The following PRKCE variants were observed in gnomAD, a reference collection of about 807,000 sequenced individuals.
PRKCE encodes the protein protein kinase C epsilon.
Under a neutral mutation model 85.4 loss-of-function variants are expected in PRKCE, and 16 were observed. The observed-to-expected ratio is 0.19, with a 90% CI of 0.13 to 0.28. The LOEUF (loss-of-function observed/expected upper bound fraction) is 0.28. Ranked by LOEUF, PRKCE falls within the 10% of genes least tolerant of loss-of-function variation. The probability of loss-of-function intolerance (pLI) is 1.00; values close to 1 mark genes in which losing one functional copy is unlikely to be tolerated. For synonymous variants in PRKCE, 388 were observed against 371.5 expected, an observed-to-expected ratio of 1.04 and a Z score of -0.51; for missense variants, 573 against 975.2, an observed-to-expected ratio of 0.59 and a Z score of 5.49.
At chr2:45,915,767 G>A (rs1697724880) in intron 2 of PRKCE, among the ~76,000 whole-genome samples, 1 of 152,136 alleles carries the variant, frequency 6.6e-6, no homozygotes, top group Non-Finnish European at 1.5e-5. Context: ...GTACAGACAT[G>A]ACCTGACTAG....
intron 10 of PRKCE, among the ~76,000 whole-genome samples, chr2:46,036,684 G>A (rs1270299400): frequency 6.6e-6 from 1 of 152,158 alleles, no homozygotes; most frequent in East Asian, 1.9e-4. Context: ...AGGGGAGGGA[G>A]TGTCCTCTCT....
chr2:46,177,702 T>C (rs1376768557), intron 14 of PRKCE, among the ~76,000 whole-genome samples: 1 of 152,228 alleles, frequency 6.6e-6, no homozygotes, highest in African/African-American at 2.4e-5. Context: ...CCTGTGGTAC[T>C]GGGGGTTAAA....
intron 2 of PRKCE, among the ~76,000 whole-genome samples, chr2:45,906,518 G>A (rs1004948918): frequency 6.6e-6 from 1 of 152,260 alleles, no homozygotes; most frequent in Admixed American, 6.5e-5. Flanking sequence ...TTCAAGGGCA[G>A]GGAAGAGGGG....
At chr2:45,874,896 A>T (rs1245634459) in intron 2 of PRKCE, among the ~76,000 whole-genome samples, 1 of 151,928 alleles carries the variant, frequency 6.6e-6, no homozygotes, top group Non-Finnish European at 1.5e-5. Context: ...GCCTATTTTT[A>T]TTTGGGGGTA....
At chr2:45,722,792 G>C (rs553941334) in intron 1 of PRKCE, among the ~76,000 whole-genome samples, 1 of 152,136 alleles carries the variant, frequency 6.6e-6, no homozygotes, top group Non-Finnish European at 1.5e-5. Context: ...GGAATGCATT[G>C]TAGTCAGTTA....
chr2:45,832,252 A>G (rs950985337), intron 1 of PRKCE, among the ~76,000 whole-genome samples: 2 of 151,292 alleles, frequency 1.3e-5, no homozygotes, highest in Non-Finnish European at 2.9e-5. Flanking sequence ...CCTTACAACT[A>G]TGAGCTCCAG....
chr2:45,829,332 A>G (rs1263783737), intron 1 of PRKCE, among the ~76,000 whole-genome samples: 1 of 152,240 alleles, frequency 6.6e-6, no homozygotes, highest in African/African-American at 2.4e-5. Flanking sequence ...TAAGTACTGC[A>G]TAATAGTACT....
chr2:46,062,186 G>T (rs1400912570), intron 10 of PRKCE, among the ~76,000 whole-genome samples: 1 of 152,112 alleles, frequency 6.6e-6, no homozygotes, highest in Non-Finnish European at 1.5e-5. Context: ...AGTATTTCTT[G>T]CCCTCCTGCT....
At chr2:45,904,722 G>A (rs535179632) in intron 2 of PRKCE, among the ~76,000 whole-genome samples, 12 of 152,302 alleles carry the variant, frequency 7.9e-5, no homozygotes, top group African/African-American at 2.4e-4. Context: ...CGTCTCCCCC[G>A]GTTGCCTGGG....
chr2:45,662,546 C>T (rs373331381), intron 1 of PRKCE, among the ~76,000 whole-genome samples: 50 of 152,190 alleles, frequency 3.3e-4, no homozygotes, highest in African/African-American at 1.2e-3. Flanking sequence ...TCTGTAAAGG[C>T]ACCTGTTAAC....
rs1196019403 is a variant in PRKCE at position 45,884,971 on chromosome 2, A to T, written c.412+41908A>T. 6.0e-4 allele frequency among the ~76,000 whole-genome samples: 35 copies of T among 58,646 alleles called. 2 individuals are homozygous for T. Among genetic ancestry groups the T allele is most frequent in the Non-Finnish European group, 3.7e-4 (10 of 26,716 alleles). The allele number at this position is 58,646 out of a possible 152,430, so 38.5% of individuals were successfully genotyped here. ...ATGTGATCCATATATATATATATATATATATATATATATATATATATATAT... is the reference window on the plus strand; with the variant it reads ...ATGTGATCCATATATATATATATATTTATATATATATATATATATATATAT... On this transcript the variant is annotated intron_variant, in intron 2 of 14. Transcript: ENST00000306156.
At chr2:46,093,525 C>G (rs1433410466) in intron 11 of PRKCE, among the ~76,000 whole-genome samples, 1 of 111,830 alleles carries the variant, frequency 8.9e-6, no homozygotes, top group African/African-American at 3.5e-5. Flanking sequence ...TCTTATTGTA[C>G]TTTTCTTTTT....
At chr2:45,953,094 T>G (rs1326148109) in intron 2 of PRKCE, among the ~76,000 whole-genome samples, 1 of 152,224 alleles carries the variant, frequency 6.6e-6, no homozygotes, top group Non-Finnish European at 1.5e-5. Flanking sequence ...TTTTCAAGTT[T>G]TAGCATTTGC....
intron 10 of PRKCE, among the ~76,000 whole-genome samples, chr2:46,077,043 A>G (rs1356984175): frequency 6.6e-6 from 1 of 152,142 alleles, no homozygotes; most frequent in Non-Finnish European, 1.5e-5. Context: ...TTCAGTTATG[A>G]AGGATGATGA....
At chr2:45,964,404 G>A (rs932367896) in intron 2 of PRKCE, among the ~76,000 whole-genome samples, 1 of 152,216 alleles carries the variant, frequency 6.6e-6, no homozygotes, top group Non-Finnish European at 1.5e-5. Context: ...ATCATCACTG[G>A]CACCAACAGG....
At chr2:46,179,775 C>T (rs1679785594) in intron 14 of PRKCE, among the ~76,000 whole-genome samples, 1 of 152,048 alleles carries the variant, frequency 6.6e-6, no homozygotes, top group Non-Finnish European at 1.5e-5. Flanking sequence ...TTTTGCAGAC[C>T]CCATGGGCCT....
chr2:45,862,436 G>C (rs1365402723), intron 2 of PRKCE, among the ~76,000 whole-genome samples: 1 of 152,142 alleles, frequency 6.6e-6, no homozygotes, highest in East Asian at 1.9e-4. Context: ...TGGTGCATTA[G>C]GCCGGAGATT....
At chr2:46,019,216 A>T (rs1302962309) in intron 10 of PRKCE, among the ~76,000 whole-genome samples, 1 of 152,234 alleles carries the variant, frequency 6.6e-6, no homozygotes, top group Admixed American at 6.5e-5. Context: ...GCCACTGACT[A>T]TGTGGAGTTT....
chr2:45,911,434 A>G (rs6711467), intron 2 of PRKCE, among the ~76,000 whole-genome samples: 2,408 of 152,352 alleles, frequency 0.016, 72 homozygotes, highest in African/African-American at 0.053. Context: ...TGAGGGTCCA[A>G]AAATCCCAGA....
Sources: gnomAD v4.1 joint callset for allele counts (sites outside exome capture counted in the v4.1 genomes callset) on GRCh38, gnomAD v4.1.1 for gene constraint, MANE v1.5 for transcripts, NCBI Gene and HGNC (gene_info 2026-07-23, HGNC 2026-07-21) for gene names.